Variants in KAZN observed in about 807,000 individuals in gnomAD.
KAZN encodes kazrin, periplakin interacting protein.
Under a neutral mutation model 87.4 loss-of-function variants are expected in KAZN, and 40 were observed. The observed-to-expected ratio is 0.46, with a 90% CI of 0.36 to 0.60. KAZN has a LOEUF of 0.60. Ranked by LOEUF, KAZN falls within the 20% of genes least tolerant of loss-of-function variation. The pLI, the probability that KAZN is intolerant of heterozygous loss-of-function variation, is 0.00. For missense variants in KAZN, 898 were observed against 1,073.9 expected (o/e 0.84, Z 2.29); for synonymous variants, 466 against 458.3 (o/e 1.02, Z -0.22).
Position 14,692,542 on chromosome 1 carries a change from A to G in KAZN, c.226+93319A>G, listed in dbSNP as rs144839102. On this transcript the variant is annotated intron_variant, in intron 1 of 14. Coordinates refer to ENST00000376030, the MANE Select transcript of KAZN (RefSeq NM_201628.3). ...TCTCGTGGTGTTATTTAAGATTTAC[A>G]TTCAAGGTTTACAAGATTGCACACT... The G allele has an allele frequency of 2.5e-5, 4 of 162,234 alleles. No individual in the cohort carries two copies. The East Asian group carries it at 6.8e-4, about 28-fold the overall frequency. The allele number at this position is 162,234 out of a possible 1,614,324, so 10.0% of individuals were successfully genotyped here.
At chr1:13,937,564 T>C (rs914091326) in intron 1 of KAZN, among the ~76,000 whole-genome samples, 23 of 152,332 alleles carry the variant, frequency 1.5e-4, no homozygotes, top group African/African-American at 4.6e-4. Context: ...TTTCGTTGCA[T>C]TTGCTTTTGA....
intron 1 of KAZN, among the ~76,000 whole-genome samples, chr1:14,944,201 C>T (rs1661466724): frequency 6.7e-6 from 1 of 148,752 alleles, no homozygotes; most frequent in Admixed American, 6.7e-5. Context: ...GTTTGTCTGC[C>T]TCTTCCCGCT....
At chr1:14,187,889 A>C (rs554537751) in intron 2 of KAZN, among the ~76,000 whole-genome samples, 1 of 152,148 alleles carries the variant, frequency 6.6e-6, no homozygotes, top group Non-Finnish European at 1.5e-5. Flanking sequence ...TTCCAGATAC[A>C]TCTTCGTTAT....
chr1:14,737,642 G>A (rs1038450316), intron 1 of KAZN, among the ~76,000 whole-genome samples: 4 of 152,208 alleles, frequency 2.6e-5, no homozygotes, highest in Non-Finnish European at 2.9e-5. Flanking sequence ...AGGGACTCAC[G>A]GGGCAGAAAT....
intron 1 of KAZN, among the ~76,000 whole-genome samples, chr1:14,173,799 C>T (rs12562715): frequency 0.12 from 18,767 of 151,988 alleles, 1,296 homozygotes; most frequent in East Asian, 0.34. Context: ...AGAGATGAAA[C>T]GCTTGGATTG....
At chr1:14,991,944 C>T (rs1420538709) in intron 2 of KAZN, among the ~76,000 whole-genome samples, 4 of 152,216 alleles carry the variant, frequency 2.6e-5, no homozygotes, top group South Asian at 4.1e-4. Flanking sequence ...GGATATCCCT[C>T]GGTGCTTTCT....
chr1:13,956,381 T>C (rs1380865341), intron 1 of KAZN, among the ~76,000 whole-genome samples: 1 of 147,388 alleles, frequency 6.8e-6, no homozygotes, highest in African/African-American at 2.5e-5. Flanking sequence ...TCGGTGGGCT[T>C]ACTGTTTACA....
At position 14,865,163 on chromosome 1, in the gene KAZN, C is replaced by G. The variant is rs1651309898; in HGVS notation, c.227-95521C>G. On this transcript the variant is annotated intron_variant, in intron 1 of 14. Transcript: ENST00000376030. ...GGACCTTCTACCTCTGCCTCTTGCC[C>G]AAGGTCAGGGACACCGTTCTCACCA... Among the ~76,000 whole-genome samples, 4 of 152,116 alleles carry G rather than the reference C, an allele frequency of 2.6e-5. No homozygotes were observed. In the South Asian group the frequency reaches 6.2e-4, roughly 24 times the overall value.
intron 2 of KAZN, among the ~76,000 whole-genome samples, chr1:15,000,436 G>A (rs1366019205): frequency 6.6e-6 from 1 of 151,814 alleles, no homozygotes; most frequent in East Asian, 1.9e-4. Context: ...GCAACAATAG[G>A]ATTCTAATGC....
intron 1 of KAZN, among the ~76,000 whole-genome samples, chr1:14,729,906 G>A (rs11811016): frequency 0.042 from 6,438 of 152,190 alleles, 449 homozygotes; most frequent in African/African-American, 0.15. Flanking sequence ...GATAATTATA[G>A]GAAATTCAAA....
intron 2 of KAZN, among the ~76,000 whole-genome samples, chr1:14,975,098 A>T (rs1309207277): frequency 5.9e-5 from 9 of 152,238 alleles, no homozygotes; most frequent in Non-Finnish European, 1.3e-4. Context: ...AGCAGGTCAC[A>T]GAGGGGACCC....
At chr1:15,087,418 G>T in intron 8 of KAZN, among the ~76,000 whole-genome samples, 1 of 148,648 alleles carries the variant, frequency 6.7e-6, no homozygotes, top group Non-Finnish European at 1.5e-5. Flanking sequence ...TTTTTGACAG[G>T]GTCTTACTCT....
chr1:14,036,348 A>G (rs1164434785), intron 1 of KAZN, among the ~76,000 whole-genome samples: 2 of 152,166 alleles, frequency 1.3e-5, no homozygotes, highest in African/African-American at 2.4e-5. Flanking sequence ...GGCTTCGTTT[A>G]ATTCAGGCAA....
chr1:14,866,024 T>C (rs567064190), intron 1 of KAZN, among the ~76,000 whole-genome samples: 1 of 152,324 alleles, frequency 6.6e-6, no homozygotes, highest in African/African-American at 2.4e-5. Flanking sequence ...TGCAAGATGA[T>C]ACATTTCCGT....
chr1:14,569,320 C>CTTTTTTTTTTTTTTTTTTTTTT (rs35144232), intron 2 of KAZN, among the ~76,000 whole-genome samples: 3 of 92,328 alleles, frequency 3.2e-5, no homozygotes, highest in Admixed American at 1.5e-4. Flanking sequence ...ACTTCCTCTG[C>CTTTTTTTTTTTTTTTTTTTTTT]TTTTTTTTTT....
At chr1:14,394,624 T>TTAAGA (rs1401326713) in intron 2 of KAZN, among the ~76,000 whole-genome samples, 1 of 152,076 alleles carries the variant, frequency 6.6e-6, no homozygotes, top group Admixed American at 6.5e-5. Flanking sequence ...AACCCAGAGG[T>TTAAGA]TAAGTAGCTC....
chr1:14,637,256 G>A (rs1352376373), intron 1 of KAZN, among the ~76,000 whole-genome samples: 1 of 152,182 alleles, frequency 6.6e-6, no homozygotes, highest in Non-Finnish European at 1.5e-5. Context: ...TGACATCATG[G>A]TATTCAAAGG....
intron 2 of KAZN, among the ~76,000 whole-genome samples, chr1:14,369,960 T>G (rs961397273): frequency 5.9e-5 from 9 of 152,332 alleles, no homozygotes; most frequent in African/African-American, 2.2e-4. Flanking sequence ...TGGGATTACA[T>G]GCACAGTGTA....
At chr1:14,823,458 C>T (rs1010763536) in intron 1 of KAZN, among the ~76,000 whole-genome samples, 5 of 151,952 alleles carry the variant, frequency 3.3e-5, no homozygotes, top group African/African-American at 1.2e-4. Flanking sequence ...GGCTGGTATC[C>T]CCACCCCCAC....
Sources: allele counts gnomAD v4.1 joint callset (sites outside exome capture counted in the v4.1 genomes callset), GRCh38; gene constraint gnomAD v4.1.1; transcripts MANE v1.5; gene names NCBI Gene and HGNC (gene_info 2026-07-23, HGNC 2026-07-21).